DMD: variants seen among roughly 807,000 people sequenced by gnomAD.
The protein encoded by DMD is mutant dystrophin.
Under a neutral mutation model 330.1 loss-of-function variants are expected in DMD, and 63 were observed. That is an observed-to-expected ratio of 0.19 (90% CI 0.16 to 0.24). The LOEUF is 0.24. DMD is among the 10% of genes least tolerant of loss of function. The probability of loss-of-function intolerance (pLI) is 1.00; values close to 1 mark genes in which losing one functional copy is unlikely to be tolerated. For synonymous variants in DMD, 1,223 were observed against 959.8 expected, an observed-to-expected ratio of 1.27 and a Z score of -5.07; for missense variants, 3,344 against 2,684.1, an observed-to-expected ratio of 1.25 and a Z score of -5.43.
chrX:32,362,318 T>C (rs750891010), intron 37 of DMD, among the ~76,000 whole-genome samples: 25 of 111,735 alleles, frequency 2.2e-4, no homozygotes, highest in African/African-American at 8.1e-4. Flanking sequence ...GTGCAGAAGA[T>C]GTACAAGACC....
At chrX:31,838,895 A>C (rs1010074368) in intron 48 of DMD, among the ~76,000 whole-genome samples, 2 of 112,003 alleles carry the variant, frequency 1.8e-5, no homozygotes, top group Non-Finnish European at 3.8e-5. Flanking sequence ...TGGCAGTAGT[A>C]ACAGCTACGT....
intron 1 of DMD, among the ~76,000 whole-genome samples, chrX:33,125,376 C>T (rs1287411696): frequency 9.0e-6 from 1 of 111,212 alleles, no homozygotes; most frequent in Non-Finnish European, 1.9e-5. Flanking sequence ...TATATATTTC[C>T]TTGATATGTT....
chrX:32,269,673 G>C (rs1397907437), intron 43 of DMD, among the ~76,000 whole-genome samples: 4 of 111,306 alleles, frequency 3.6e-5, no homozygotes. Flanking sequence ...GGGTTCAAAG[G>C]ACAAGCTTTT....
intron 64 of DMD, among the ~76,000 whole-genome samples, chrX:31,221,967 C>T (rs868256955): frequency 6.4e-4 from 70 of 109,026 alleles, no homozygotes; most frequent in African/African-American, 2.0e-3. Flanking sequence ...CCGAGGAGGG[C>T]GGATCACAAG....
chrX:31,827,915 C>G (rs2149453823), intron 49 of DMD, among the ~76,000 whole-genome samples: 1 of 111,643 alleles, frequency 9.0e-6, no homozygotes, highest in African/African-American at 3.2e-5. Context: ...ACAGCAAAAA[C>G]AGTGCTAAGA....
chrX:33,069,688 G>C (rs1367408008), intron 1 of DMD, among the ~76,000 whole-genome samples: 1 of 111,400 alleles, frequency 9.0e-6, no homozygotes, highest in Non-Finnish European at 1.9e-5. Context: ...TGTATTCCAA[G>C]GTAGCTCACA....
intron 1 of DMD, among the ~76,000 whole-genome samples, chrX:33,057,264 G>T (rs763881594): frequency 9.0e-6 from 1 of 111,177 alleles, no homozygotes; most frequent in East Asian, 2.8e-4. Context: ...TTCAGTGCCT[G>T]TCCATCTTGT....
intron 59 of DMD, among the ~76,000 whole-genome samples, chrX:31,453,496 T>C (rs1300172990): frequency 9.1e-6 from 1 of 109,999 alleles, no homozygotes; most frequent in African/African-American, 3.3e-5. Context: ...AGTTTCAGTT[T>C]TGCAAGATGA....
intron 48 of DMD, among the ~76,000 whole-genome samples, chrX:31,843,245 G>A (rs145501287): frequency 3.7e-4 from 41 of 111,822 alleles, no homozygotes; most frequent in African/African-American, 1.2e-3. Flanking sequence ...TCAGTAATGG[G>A]ATTGCTGGGT....
chrX:31,180,304 T>C, intron 69 of DMD, 66 bp downstream of exon 69: 1 of 738,147 alleles, frequency 1.4e-6, no homozygotes, highest in Non-Finnish European at 2.2e-6. Context: ...TGATCTGCAG[T>C]ATTGTACAAA....
intron 7 of DMD, among the ~76,000 whole-genome samples, chrX:32,790,418 C>T (rs1469047457): frequency 1.8e-5 from 2 of 111,491 alleles, no homozygotes; most frequent in Non-Finnish European, 3.8e-5. Context: ...AACCAACACA[C>T]AGCTGTCTAG....
At chrX:32,991,429 AC>A (rs1210901706) in intron 2 of DMD, among the ~76,000 whole-genome samples, 3 of 112,156 alleles carry the variant, frequency 2.7e-5, no homozygotes, top group African/African-American at 9.7e-5. Context: ...GTGATAAAAA[AC>A]AAAAAATGTT....
chrX:31,599,140 A>G (rs2077235571), intron 55 of DMD, among the ~76,000 whole-genome samples: 1 of 111,906 alleles, frequency 8.9e-6, no homozygotes, highest in African/African-American at 3.2e-5. Context: ...TGTAATTATC[A>G]TTTTCTCTCT....
At chrX:31,295,150 C>T (rs1042101636) in intron 62 of DMD, among the ~76,000 whole-genome samples, 1 of 109,284 alleles carries the variant, frequency 9.2e-6, no homozygotes, top group African/African-American at 3.3e-5. Flanking sequence ...CGTCCACCAC[C>T]ACACCTGGCT....
chrX:33,089,625 T>G (rs984762125), intron 1 of DMD, among the ~76,000 whole-genome samples: 1 of 111,667 alleles, frequency 9.0e-6, no homozygotes, highest in African/African-American at 3.2e-5. Context: ...AAACTTTGAA[T>G]CAGCCTTGCT....
intron 3 of DMD, among the ~76,000 whole-genome samples, chrX:32,848,508 A>C (rs760692033): frequency 1.8e-5 from 2 of 111,813 alleles, no homozygotes; most frequent in Admixed American, 1.9e-4. Flanking sequence ...TATTATTTCA[A>C]TATGTCATCA....
At chrX:31,385,819 A>C (rs1190071429) in intron 60 of DMD, among the ~76,000 whole-genome samples, 1 of 112,147 alleles carries the variant, frequency 8.9e-6, no homozygotes, top group Admixed American at 9.4e-5. Flanking sequence ...ACAGTGTGGC[A>C]ATTCCTCAAG....
At chrX:31,368,522 A>G (rs772259163) in intron 60 of DMD, among the ~76,000 whole-genome samples, 29 of 111,812 alleles carry the variant, frequency 2.6e-4, no homozygotes, top group African/African-American at 8.1e-4. Context: ...GTAGCTACCT[A>G]TATCCAGATT....
At chrX:32,698,596 C>T (rs1252001699) in intron 8 of DMD, among the ~76,000 whole-genome samples, 3 of 111,831 alleles carry the variant, frequency 2.7e-5, no homozygotes, top group East Asian at 2.8e-4. Flanking sequence ...AATTATGTAA[C>T]GAAGAATTTC....
Sources: allele counts gnomAD v4.1 joint callset (sites outside exome capture counted in the v4.1 genomes callset), GRCh38; gene constraint gnomAD v4.1.1; transcripts MANE v1.5; gene names NCBI Gene and HGNC (gene_info 2026-07-23, HGNC 2026-07-21).